The following NCKAP5 variants were observed in gnomAD, a reference collection of about 807,000 sequenced individuals.
NCKAP5 encodes the protein nck-associated protein 5.
A neutral mutation model predicts 167.0 loss-of-function variants in NCKAP5; 92 were observed. That is an observed-to-expected ratio of 0.55 (90% CI 0.47 to 0.66). NCKAP5 has a LOEUF of 0.66. Among genes scored for constraint, NCKAP5 ranks in the 30% least tolerant of loss-of-function variants. NCKAP5 has a pLI of 0.00. For synonymous variants in NCKAP5, 891 were observed against 877.4 expected (o/e 1.02, Z -0.27); for missense variants, 2,378 against 2,315.0 (o/e 1.03, Z -0.56).
At chr2:132,971,674 T>C (rs1036395660) in intron 7 of NCKAP5, among the ~76,000 whole-genome samples, 1 of 152,224 alleles carries the variant, frequency 6.6e-6, no homozygotes, top group Non-Finnish European at 1.5e-5. Context: ...CCACAGTTTG[T>C]AAGGCGTTCC....
At chr2:132,951,607 T>C (rs1190492030) in intron 8 of NCKAP5, among the ~76,000 whole-genome samples, 1 of 152,174 alleles carries the variant, frequency 6.6e-6, no homozygotes. Context: ...CCTCAAAAGG[T>C]TGCTATCAGA....
intron 3 of NCKAP5, among the ~76,000 whole-genome samples, chr2:133,497,162 T>G (rs1682022314): frequency 6.6e-6 from 1 of 152,226 alleles, no homozygotes; most frequent in Non-Finnish European, 1.5e-5. Context: ...TTTAAAAGAT[T>G]AGCATTGACA....
intron 3 of NCKAP5, among the ~76,000 whole-genome samples, chr2:133,314,272 G>T (rs1681450329): frequency 6.6e-6 from 1 of 152,126 alleles, no homozygotes; most frequent in East Asian, 1.9e-4. Context: ...AGAAACCAGG[G>T]TTTCTAGAAA....
the NCKAP5 span, among the ~76,000 whole-genome samples, chr2:133,664,623 C>T: frequency 1.9e-3 from 283 of 152,266 alleles, 4 homozygotes; most frequent in East Asian, 0.035. Flanking sequence ...CCTCAGCCTC[C>T]GTAATAGCTG....
In NCKAP5 at chr2:133,517,929, C is replaced by T. The variant is rs79620983; in HGVS notation, c.-61-342G>A. Among the ~76,000 whole-genome samples the T allele has an allele frequency of 5.8e-4, 89 of 152,256 alleles. 1 individual carries two copies. The East Asian group carries it at 0.017, about 29-fold the overall frequency. Reference sequence around the variant, plus strand: ...CAGCCAGAATAATTCTGTTACTGTGCACATAGATGCTGTCTGCAAATTCCA... The same window carrying T: ...CAGCCAGAATAATTCTGTTACTGTGTACATAGATGCTGTCTGCAAATTCCA... On this transcript the variant is annotated intron_variant, in intron 2 of 19. Coordinates refer to ENST00000409261, the MANE Select transcript of NCKAP5 (RefSeq NM_207363.3).
chr2:133,331,863 G>A (rs1212865490), intron 3 of NCKAP5, among the ~76,000 whole-genome samples: 4 of 152,182 alleles, frequency 2.6e-5, no homozygotes, highest in Non-Finnish European at 5.9e-5. Flanking sequence ...TATCTTCCTG[G>A]TCCTTCGGTT....
chr2:133,600,905 A>C, the NCKAP5 span, among the ~76,000 whole-genome samples: 1 of 152,248 alleles, frequency 6.6e-6, no homozygotes, highest in Non-Finnish European at 1.5e-5. Flanking sequence ...TCCACGCCAG[A>C]AGCAGACTCC....
intron 16 of NCKAP5, among the ~76,000 whole-genome samples, chr2:132,766,517 G>A (rs966645487): frequency 2.1e-4 from 32 of 152,174 alleles, no homozygotes; most frequent in African/African-American, 7.0e-4. Flanking sequence ...AAATCCAGTC[G>A]TGGATTTAAA....
At chr2:132,794,255 TATATATATAGAGAGAGAGAG>T (rs1413064154) in intron 12 of NCKAP5, among the ~76,000 whole-genome samples, 38 of 49,004 alleles carry the variant, frequency 7.8e-4, no homozygotes, top group African/African-American at 2.9e-3. Flanking sequence ...TATATATATA[TATATATATAGAGAGAGAGAG>T]AGAGAGAGAG....
At chr2:133,390,419 G>A (rs1231869927) in intron 3 of NCKAP5, among the ~76,000 whole-genome samples, 1 of 152,190 alleles carries the variant, frequency 6.6e-6, no homozygotes, top group East Asian at 1.9e-4. Flanking sequence ...CGATACCCTG[G>A]AGGAACACAG....
At chr2:132,788,365 C>A (rs1157665819) in intron 13 of NCKAP5, among the ~76,000 whole-genome samples, 1 of 152,138 alleles carries the variant, frequency 6.6e-6, no homozygotes, top group Non-Finnish European at 1.5e-5. Flanking sequence ...TTAATGGGAG[C>A]AAACTGATCT....
intron 11 of NCKAP5, among the ~76,000 whole-genome samples, chr2:132,830,296 T>C (rs1396171553): frequency 6.6e-6 from 1 of 151,982 alleles, no homozygotes; most frequent in Non-Finnish European, 1.5e-5. Flanking sequence ...TCTCAATTAT[T>C]TTAGTTTTTA....
At chr2:132,966,496 T>C (rs1573576846) in intron 7 of NCKAP5, among the ~76,000 whole-genome samples, 2 of 152,188 alleles carry the variant, frequency 1.3e-5, no homozygotes, top group East Asian at 1.9e-4. Flanking sequence ...ACATACCATA[T>C]AGTGAATTCG....
At chr2:133,422,282 A>G (rs1006316173) in intron 3 of NCKAP5, among the ~76,000 whole-genome samples, 6 of 152,246 alleles carry the variant, frequency 3.9e-5, no homozygotes, top group Admixed American at 1.3e-4. Flanking sequence ...ATGTTCCTAC[A>G]GATGAACAGG....
At chr2:133,155,171 G>C (rs1034856680) in intron 5 of NCKAP5, among the ~76,000 whole-genome samples, 1 of 152,142 alleles carries the variant, frequency 6.6e-6, no homozygotes, top group East Asian at 1.9e-4. Flanking sequence ...TCAATAATCT[G>C]TTTTCTGCCT....
intron 9 of NCKAP5, among the ~76,000 whole-genome samples, chr2:132,870,963 T>C: frequency 6.6e-6 from 1 of 152,104 alleles, no homozygotes; most frequent in East Asian, 1.9e-4. Context: ...AGGATTTTTT[T>C]CCCATCAGAA....
intron 3 of NCKAP5, among the ~76,000 whole-genome samples, chr2:133,441,293 C>T (rs1378512192): frequency 6.6e-6 from 1 of 152,198 alleles, no homozygotes; most frequent in African/African-American, 2.4e-5. Flanking sequence ...GTTTGAAACA[C>T]TGAATATTAG....
chr2:133,074,939 A>G (rs556879203), intron 6 of NCKAP5, among the ~76,000 whole-genome samples: 1 of 152,298 alleles, frequency 6.6e-6, no homozygotes, highest in South Asian at 2.1e-4. Context: ...AAGAAATGAT[A>G]GCCGAATACC....
At chr2:132,766,740 A>T (rs1681528904) in intron 16 of NCKAP5, among the ~76,000 whole-genome samples, 1 of 152,228 alleles carries the variant, frequency 6.6e-6, no homozygotes, top group South Asian at 2.1e-4. Context: ...CCAAAGAAAC[A>T]ACCACAGCCA....
Sources: allele counts gnomAD v4.1 joint callset (sites outside exome capture counted in the v4.1 genomes callset), GRCh38; gene constraint gnomAD v4.1.1; transcripts MANE v1.5; gene names NCBI Gene and HGNC (gene_info 2026-07-23, HGNC 2026-07-21).